Variants in FANCI observed in about 807,000 individuals in gnomAD.
FANCI encodes the protein FA complementation group I, also known as Fanconi anemia group I protein.
FANCI carries 156 observed loss-of-function variants against 176.1 expected under a neutral mutation model. That is an observed-to-expected ratio of 0.89 (90% CI 0.78 to 1.01). FANCI has a LOEUF of 1.01. Among genes scored for constraint, FANCI ranks in the 50% least tolerant of loss-of-function variants. The pLI is 0.00. For synonymous variants in FANCI, 613 were observed against 541.7 expected, an observed-to-expected ratio of 1.13 and a Z score of -1.83; for missense variants, 1,678 against 1,534.1, an observed-to-expected ratio of 1.09 and a Z score of -1.57.
chr15:89,292,986 AAAT>A lies in FANCI; in HGVS notation c.2219_2221del (p.Asn740del). 6.2e-7 allele frequency: 1 copy of A among 1,614,116 alleles called. No homozygotes were observed. Among genetic ancestry groups the A allele is most frequent in the Non-Finnish European group, 8.5e-7 (1 of 1,179,988 alleles). On this transcript the variant is annotated inframe_deletion, in exon 22 of 38. Coordinates refer to ENST00000310775, the MANE Select transcript of FANCI (RefSeq NM_001113378.2). Reference sequence around the variant, plus strand: ...CTCAGAGCACCAGTATTGGCATAAAAAATAATATCTGTGCTTTTCTTGTGATGG... The same window carrying A: ...CTCAGAGCACCAGTATTGGCATAAAAAATATCTGTGCTTTTCTTGTGATGG...
At chr15:89,315,825 C>T (rs909902892) in intron 37 of FANCI, among the ~76,000 whole-genome samples, 3 of 152,184 alleles carry the variant, frequency 2.0e-5, no homozygotes, top group African/African-American at 7.2e-5. Flanking sequence ...GTTCCTCTCC[C>T]TTTACTCTTA....
intron 24 of FANCI, among the ~76,000 whole-genome samples, chr15:89,295,366 G>GAAAAAAAAAAA (rs373941070): frequency 1.0e-5 from 1 of 96,304 alleles, no homozygotes; most frequent in Non-Finnish European, 2.1e-5. Flanking sequence ...ACTCTCAAAA[G>GAAAAAAAAAAA]AAAAAAAAAA....
Position 89,317,124 on chromosome 15 carries a change from T to TAAAC in FANCI, c.*667_*670dup, listed in dbSNP as rs1490948029. ...TGCACTCTATAGAATAAATTATCTT[T>TAAAC]AAACATTTCTTCTGTGGTTGAAGTA... On this transcript the variant is annotated 3_prime_UTR_variant, in exon 38 of 38. Transcript: ENST00000310775. 3 of 592,950 alleles carry TAAAC rather than the reference T, an allele frequency of 5.1e-6. No individual in the cohort carries two copies. Among genetic ancestry groups the TAAAC allele is most frequent in the Non-Finnish European group, 9.0e-6 (3 of 334,674 alleles). 36.7% of individuals were successfully genotyped at this position (592,950 alleles called of 1,614,324 possible).
rs1411378832 is a variant in FANCI at position 89,317,025 on chromosome 15, A to AAAT, written c.*569_*571dup. 6.6e-6 allele frequency: 4 copies of AAAT among 606,544 alleles called. No homozygotes were observed. The African/African-American group carries it at 7.4e-5, about 11-fold the overall frequency. The allele number at this position is 606,544 out of a possible 1,614,324, so 37.6% of individuals were successfully genotyped here. Reference sequence around the variant, plus strand: ...GTGTCTTAGATATATTTTAAATAGAAAATAAGCTTTCTGATTTACTTGTTT... The same window carrying AAAT: ...GTGTCTTAGATATATTTTAAATAGAAAATAATAAGCTTTCTGATTTACTTGTTT... On this transcript the variant is annotated 3_prime_UTR_variant, in exon 38 of 38. Coordinates refer to ENST00000310775, the MANE Select transcript of FANCI (RefSeq NM_001113378.2).
intron 2 of FANCI, among the ~76,000 whole-genome samples, chr15:89,253,773 C>G (rs2052369924): frequency 9.4e-6 from 1 of 106,852 alleles, no homozygotes; most frequent in Non-Finnish European, 1.7e-5. Flanking sequence ...ATCCCTAATT[C>G]ATAAATAACT....
At chr15:89,247,120 G>T (rs2052022975) in intron 1 of FANCI, among the ~76,000 whole-genome samples, 1 of 150,828 alleles carries the variant, frequency 6.6e-6, no homozygotes, top group East Asian at 1.9e-4. Context: ...GCCTAGGCTG[G>T]AGTACTGTGG....
chr15:89,315,554 G>A (rs1458199430), intron 37 of FANCI, among the ~76,000 whole-genome samples, 165 bp downstream of exon 37: 1 of 152,204 alleles, frequency 6.6e-6, no homozygotes, highest in Non-Finnish European at 1.5e-5. Flanking sequence ...GTAAACTTTG[G>A]ACCACACAAA....
rs551979324 is a variant in FANCI, at chr15:89,316,748, G to A, written c.*289G>A. On this transcript the variant is annotated 3_prime_UTR_variant, in exon 38 of 38. Coordinates refer to ENST00000310775, the MANE Select transcript of FANCI (RefSeq NM_001113378.2). The stretch of plus-strand genomic sequence containing the variant: ...GGAGCAAATACAGAGCCTCCAGGCA[G>A]TGCTATGGTCCAGGCTGGCTTCGTT... 6 of 1,609,680 alleles carry A rather than the reference G, an allele frequency of 3.7e-6. No individual in the cohort carries two copies. The African/African-American group carries it at 5.3e-5, about 14-fold the overall frequency.
At chr15:89,265,532 C>CT (rs938224929) in intron 9 of FANCI, among the ~76,000 whole-genome samples, 7 of 147,462 alleles carry the variant, frequency 4.7e-5, no homozygotes, top group African/African-American at 1.0e-4. Flanking sequence ...TTCTTTCTTT[C>CT]TTTTTTTTTG....
At chr15:89,307,975 A>G (rs1037494399) in intron 34 of FANCI, 2 of 1,277,506 alleles carry the variant, frequency 1.6e-6, no homozygotes, top group African/African-American at 1.5e-5. Context: ...CTGAAAGTCC[A>G]TGCCATGAGG....
chr15:89,302,313 C>T (rs1393401087), intron 27 of FANCI, among the ~76,000 whole-genome samples: 2 of 152,060 alleles, frequency 1.3e-5, no homozygotes, highest in African/African-American at 4.8e-5. Context: ...TTACTTCATC[C>T]CAGTTCCAAA....
At chr15:89,282,398 C>G (rs2053648481) in intron 16 of FANCI, 1 of 163,184 alleles carries the variant, frequency 6.1e-6, no homozygotes, top group African/African-American at 2.4e-5. Flanking sequence ...GCCAGTCCCT[C>G]CTAACATCTC....
intron 3 of FANCI, 43 bp downstream of exon 3, chr15:89,258,819 T>C (rs1457237935): frequency 7.2e-6 from 10 of 1,391,804 alleles, no homozygotes; most frequent in East Asian, 2.3e-5. Flanking sequence ...CCTGCATTCA[T>C]TGGTAGATTT....
intron 5 of FANCI, 25 bp from the exon 6 acceptor site, chr15:89,261,796 T>G (rs2052721598): frequency 6.2e-7 from 1 of 1,613,994 alleles, no homozygotes; most frequent in Non-Finnish European, 8.5e-7. Flanking sequence ...TCAAATTCAT[T>G]GCTCAGTATA....
intron 2 of FANCI, 115 bp downstream of exon 2, chr15:89,247,846 TAGGAGACA>T: frequency 1.3e-6 from 1 of 786,774 alleles, no homozygotes; most frequent in South Asian, 1.5e-5. Context: ...CCATTCACTG[TAGGAGACA>T]AGGATTTATT....
intron 34 of FANCI, 87 bp downstream of exon 34, chr15:89,307,759 A>G (rs904959560): frequency 6.2e-7 from 1 of 1,609,102 alleles, no homozygotes; most frequent in African/African-American, 1.3e-5. Flanking sequence ...TGAACTGAGC[A>G]TATATAAACT....
chr15:89,283,016 C>T (rs551946486), intron 16 of FANCI, 120 bp from the exon 17 acceptor site: 57 of 948,260 alleles, frequency 6.0e-5, no homozygotes, highest in Middle Eastern at 4.2e-4. Flanking sequence ...CTTTGTTTTG[C>T]TCTACGCTTC....
chr15:89,306,226 C>G (rs773735508), intron 32 of FANCI, 32 bp downstream of exon 32: 1 of 1,606,888 alleles, frequency 6.2e-7, no homozygotes, highest in South Asian at 1.1e-5. Flanking sequence ...ATTCGCCCCA[C>G]CATTCTACCC....
At chr15:89,264,704 C>G in intron 9 of FANCI, 97 bp downstream of exon 9, 1 of 1,092,516 alleles carries the variant, frequency 9.2e-7, no homozygotes, top group Non-Finnish European at 1.4e-6. Flanking sequence ...CACCGCCTAC[C>G]TTCACCTCAG....
Sources: allele counts gnomAD v4.1 joint callset (sites outside exome capture counted in the v4.1 genomes callset), GRCh38; gene constraint gnomAD v4.1.1; transcripts MANE v1.5; gene names NCBI Gene and HGNC (gene_info 2026-07-23, HGNC 2026-07-21).